RWDD1: variants seen among roughly 807,000 people sequenced by gnomAD.
The protein encoded by RWDD1 is RWD domain containing 1.
RWDD1 carries 17 observed loss-of-function variants against 31.6 expected under a neutral mutation model. That is an observed-to-expected ratio of 0.54 (90% confidence interval 0.37 to 0.81). The LOEUF (loss-of-function observed/expected upper bound fraction) is 0.81. Among genes scored for constraint, RWDD1 ranks in the 30% least tolerant of loss-of-function variants. RWDD1 has a pLI of 0.00. For missense variants in RWDD1, 204 were observed against 274.5 expected (o/e 0.74, Z 1.82); for synonymous variants, 78 against 94.2 (o/e 0.83, Z 0.99).
intron 1 of RWDD1, among the ~76,000 whole-genome samples, chr6:116,574,552 A>G (rs1351973195): frequency 1.3e-5 from 2 of 151,968 alleles, no homozygotes; most frequent in East Asian, 1.9e-4. Context: ...TGCTACCTCT[A>G]TTATCCCTGT....
intron 1 of RWDD1, among the ~76,000 whole-genome samples, chr6:116,573,350 GGATTCTGAGCCAGGGTAATAAAAGACA>G (rs1199579755): frequency 6.6e-6 from 1 of 152,152 alleles, no homozygotes; most frequent in East Asian, 1.9e-4. Context: ...AAGTGCTTGA[GGATTCTGAGCCAGGGTAATAAAAGACA>G]ATTTATGAAT....
At chr6:116,573,181 C>T (rs1382541682) in intron 1 of RWDD1, among the ~76,000 whole-genome samples, 2 of 152,222 alleles carry the variant, frequency 1.3e-5, no homozygotes, top group Admixed American at 6.5e-5. Context: ...TTTCTTTGGA[C>T]ATAAGCTATC....
chr6:116,574,080 C>T (rs751885041), intron 1 of RWDD1: 3 of 657,414 alleles, frequency 4.6e-6, no homozygotes, highest in Non-Finnish European at 3.8e-6. Flanking sequence ...TTGATCCAAC[C>T]CTCCTAACAA....
chr6:116,583,533 TACACAC>T, intron 2 of RWDD1, among the ~76,000 whole-genome samples: 1 of 149,892 alleles, frequency 6.7e-6, no homozygotes. Context: ...TCTCACCACA[TACACAC>T]ACACACACAC....
intron 1 of RWDD1, among the ~76,000 whole-genome samples, chr6:116,577,752 C>T (rs1032981169): frequency 1.3e-5 from 2 of 151,992 alleles, no homozygotes; most frequent in Admixed American, 1.3e-4. Context: ...TCGTCTCCCT[C>T]CTTTCATTTT....
rs777807369 is a variant in RWDD1 at position 116,592,990 on chromosome 6, C to T, written c.621C>T (p.Asn207=). 13 of 1,603,818 alleles carry T rather than the reference C, an allele frequency of 8.1e-6. No homozygotes were observed. The highest frequency in any genetic ancestry group is 6.9e-5 in the African/African-American group (5 of 72,800). Residue 207 remains asparagine, a synonymous_variant, in exon 7 of 7, where the codon AAC becomes AAT. Transcript: ENST00000466444. The stretch of plus-strand genomic sequence containing the variant: ...GGTTGCCTTTTGCAGCTGGAAACAA[C>T]GTGGAGGTAGATGAGTCTTTGTTCC... The part of the protein sequence containing the change: ...DIQFLEDAGN[N]VEVDESLFQE...
In RWDD1 at chr6:116,571,595, G is replaced by A. The variant is rs754947177; in HGVS notation, c.13G>A (p.Gly5Ser). ...AGCAAGGGCCACGATGACAGATTAC[G>A]GCGAGGAGCAGCGCAACGAGCTGGA... MTDY[G>S]EEQRNELEAL... Residue 5 changes from glycine to serine, a missense_variant, in exon 1 of 7, where the codon GGC (glycine) becomes AGC (serine). Gly to Ser is a moderately conservative substitution (Grantham distance 56). Transcript: ENST00000466444. 4 of 1,613,610 alleles carry A rather than the reference G, an allele frequency of 2.5e-6. No individual in the cohort carries two copies. The highest frequency in any genetic ancestry group is 1.7e-5 in the Admixed American group (1 of 59,964).
At chr6:116,576,499 A>G (rs1774844220) in intron 1 of RWDD1, among the ~76,000 whole-genome samples, 1 of 152,106 alleles carries the variant, frequency 6.6e-6, no homozygotes, top group South Asian at 2.1e-4. Context: ...ATGATTTCTC[A>G]TGGATTGATA....
Position 116,571,538 on chromosome 6 carries a change from C to G in RWDD1, c.-45C>G, listed in dbSNP as rs754786119. 6.3e-7 allele frequency: 1 copy of G among 1,587,100 alleles called. No homozygotes were observed. The highest frequency in any genetic ancestry group is 8.6e-7 in the Non-Finnish European group (1 of 1,164,878). On this transcript the variant is annotated 5_prime_UTR_variant, in exon 1 of 7. Coordinates refer to ENST00000466444, the MANE Select transcript of RWDD1 (RefSeq NM_015952.4). ...CGGCAGCTGTCTGGGCTGCTGCGCG[C>G]CGCCTAGGTGTCTGGGCGATCTATG... is the stretch of plus-strand genomic sequence containing the variant.
chr6:116,571,975 T>A (rs1774745991), intron 1 of RWDD1, among the ~76,000 whole-genome samples: 2 of 152,048 alleles, frequency 1.3e-5, no homozygotes, highest in Admixed American at 1.3e-4. Flanking sequence ...GAAAAAATAC[T>A]CCAAGTGCGA....
intron 1 of RWDD1, chr6:116,572,840 G>A (rs747950089): frequency 1.5e-4 from 146 of 985,406 alleles, no homozygotes; most frequent in Middle Eastern, 1.0e-3. Context: ...AGCAAATTTT[G>A]TTCTGCTTTG....
At chr6:116,585,479 C>T (rs60770537) in intron 3 of RWDD1, among the ~76,000 whole-genome samples, 2 of 152,080 alleles carry the variant, frequency 1.3e-5, no homozygotes, top group Non-Finnish European at 2.9e-5. Flanking sequence ...CTTGGGTAGA[C>T]AGTTTTCATG....
chr6:116,577,473 A>T (rs1056912255), intron 1 of RWDD1, among the ~76,000 whole-genome samples: 8 of 125,392 alleles, frequency 6.4e-5, no homozygotes, highest in Non-Finnish European at 1.1e-4. Flanking sequence ...ATTAAAGCCC[A>T]GCTCTCTTTG....
chr6:116,574,962 G>A (rs1412681299), intron 1 of RWDD1, among the ~76,000 whole-genome samples: 1 of 151,906 alleles, frequency 6.6e-6, no homozygotes, highest in Non-Finnish European at 1.5e-5. Flanking sequence ...AACAGCAGAG[G>A]TCTTGCTTTG....
chr6:116,588,793 CTT>C (rs761482404), intron 3 of RWDD1, 47 bp from the exon 4 acceptor site: 61 of 1,394,502 alleles, frequency 4.4e-5, no homozygotes, highest in Non-Finnish European at 5.5e-5. Context: ...AATGTATGGA[CTT>C]TTATTTTTCT....
intron 2 of RWDD1, among the ~76,000 whole-genome samples, chr6:116,580,652 A>G (rs1365078300): frequency 6.6e-6 from 1 of 152,132 alleles, no homozygotes; most frequent in East Asian, 1.9e-4. Context: ...GTTTTGTTCA[A>G]AGCAATACTT....
rs966064523 is a variant in RWDD1, at chr6:116,580,280, T to C, written c.74-15T>C. ...AGAAAGCATTTCAATAACTTCTGTGTGTATTTTCTTGCAGTATTATCAGAA... is the reference window on the plus strand; with the variant it reads ...AGAAAGCATTTCAATAACTTCTGTGCGTATTTTCTTGCAGTATTATCAGAA... On this transcript the variant is annotated splice_polypyrimidine_tract_variant and intron_variant, in intron 1 of 6. Coordinates refer to ENST00000466444, the MANE Select transcript of RWDD1 (RefSeq NM_015952.4). 1 of 1,580,246 alleles carries C rather than the reference T, an allele frequency of 6.3e-7. No individual in the cohort carries two copies. The highest frequency in any genetic ancestry group is 8.7e-7 in the Non-Finnish European group (1 of 1,155,920).
chr6:116,578,254 C>A (rs753755749), intron 1 of RWDD1, among the ~76,000 whole-genome samples: 30 of 152,138 alleles, frequency 2.0e-4, no homozygotes, highest in Admixed American at 1.5e-3. Flanking sequence ...TTCTTATGAA[C>A]TTTTCTTATA....
At chr6:116,586,284 A>T (rs1775038310) in intron 3 of RWDD1, among the ~76,000 whole-genome samples, 1 of 152,176 alleles carries the variant, frequency 6.6e-6, no homozygotes, top group South Asian at 2.1e-4. Context: ...GATGATTTTT[A>T]ATTGTACCAA....
Sources: allele counts gnomAD v4.1 joint callset (sites outside exome capture counted in the v4.1 genomes callset), GRCh38; gene constraint gnomAD v4.1.1; transcripts MANE v1.5; gene names NCBI Gene and HGNC (gene_info 2026-07-23, HGNC 2026-07-21).